Variants in NUMB observed in about 807,000 individuals in gnomAD.
The protein encoded by NUMB is protein numb homolog.
In NUMB, 29 loss-of-function variants were observed where a neutral mutation model predicts 59.7. The ratio of observed to expected loss-of-function variants is 0.49; its 90% CI spans 0.36 to 0.66. The LOEUF is 0.66. Among genes scored for constraint, NUMB ranks in the 30% least tolerant of loss-of-function variants. The pLI is 0.00. For synonymous variants in NUMB, 288 were observed against 288.2 expected, an observed-to-expected ratio of 1.00 and a Z score of 0.01; for missense variants, 723 against 822.0, an observed-to-expected ratio of 0.88 and a Z score of 1.47.
chr14:73,368,028 G>C (rs1359419028), intron 2 of NUMB, among the ~76,000 whole-genome samples: 2 of 147,136 alleles, frequency 1.4e-5, no homozygotes, highest in Non-Finnish European at 3.0e-5. Flanking sequence ...GCAAACAGTA[G>C]TTTCTGCAAA....
At chr14:73,323,548 C>G (rs1376855906) in intron 4 of NUMB, among the ~76,000 whole-genome samples, 1 of 152,210 alleles carries the variant, frequency 6.6e-6, no homozygotes, top group African/African-American at 2.4e-5. Flanking sequence ...TTACCTGAAT[C>G]TACTGGATCT....
At chr14:73,440,651 G>A (rs189304211) in intron 1 of NUMB, among the ~76,000 whole-genome samples, 124 of 151,202 alleles carry the variant, frequency 8.2e-4, no homozygotes, top group African/African-American at 2.7e-3. Context: ...CGAGACCATC[G>A]AAACCCCATC....
intron 12 of NUMB, among the ~76,000 whole-genome samples, chr14:73,278,166 G>A (rs746536192): frequency 2.0e-4 from 31 of 151,922 alleles, no homozygotes; most frequent in Non-Finnish European, 3.7e-4. Flanking sequence ...ATATCTTGCT[G>A]GCCTCTGCCT....
intron 1 of NUMB, among the ~76,000 whole-genome samples, chr14:73,453,320 C>T (rs1884117492): frequency 6.6e-6 from 1 of 151,530 alleles, no homozygotes; most frequent in Admixed American, 6.6e-5. Context: ...TTAGTAGAGA[C>T]GGGATTTCTC....
chr14:73,328,654 G>A (rs1277716340), intron 4 of NUMB, among the ~76,000 whole-genome samples: 2 of 152,114 alleles, frequency 1.3e-5, no homozygotes, highest in Non-Finnish European at 2.9e-5. Context: ...TATCCCTAAT[G>A]ACTGATAGTT....
At chr14:73,408,554 T>C (rs1223087005) in intron 2 of NUMB, among the ~76,000 whole-genome samples, 1 of 152,170 alleles carries the variant, frequency 6.6e-6, no homozygotes, top group Non-Finnish European at 1.5e-5. Context: ...CTACTTTTGA[T>C]TGTAGCAGTA....
At chr14:73,291,886 A>G (rs560003104) in intron 8 of NUMB, among the ~76,000 whole-genome samples, 4 of 149,840 alleles carry the variant, frequency 2.7e-5, no homozygotes, top group Non-Finnish European at 5.9e-5. Flanking sequence ...GGGTTTCACC[A>G]TATTGGCCAG....
At chr14:73,404,968 C>T (rs1352214865) in intron 2 of NUMB, among the ~76,000 whole-genome samples, 1 of 152,088 alleles carries the variant, frequency 6.6e-6, no homozygotes, top group Admixed American at 6.6e-5. Flanking sequence ...ACCATGTTGG[C>T]CAGGCTGGTC....
At chr14:73,446,856 T>C (rs944910931) in intron 1 of NUMB, among the ~76,000 whole-genome samples, 1 of 151,658 alleles carries the variant, frequency 6.6e-6, no homozygotes, top group Non-Finnish European at 1.5e-5. Context: ...CTGGGCAACA[T>C]AGTGAGACCC....
At chr14:73,435,525 C>G (rs530945220) in intron 1 of NUMB, among the ~76,000 whole-genome samples, 22 of 151,542 alleles carry the variant, frequency 1.5e-4, no homozygotes, top group African/African-American at 5.3e-4. Flanking sequence ...CTGCCCGCCT[C>G]AGCCTCCCAA....
intron 1 of NUMB, among the ~76,000 whole-genome samples, chr14:73,429,891 G>A (rs941788213): frequency 6.6e-6 from 1 of 151,322 alleles, no homozygotes; most frequent in Non-Finnish European, 1.5e-5. Flanking sequence ...GTTGTAATGA[G>A]CCGAGATCGC....
intron 2 of NUMB, among the ~76,000 whole-genome samples, chr14:73,399,292 A>G (rs772062767): frequency 6.6e-6 from 1 of 152,242 alleles, no homozygotes; most frequent in Admixed American, 6.5e-5. Context: ...AGCCGGGCAC[A>G]GCGGCTCACG....
intron 2 of NUMB, among the ~76,000 whole-genome samples, chr14:73,400,427 G>A (rs1318837972): frequency 6.6e-6 from 1 of 152,200 alleles, no homozygotes; most frequent in African/African-American, 2.4e-5. Context: ...AGGACTTAGG[G>A]TGAAAATAAT....
rs542575091 is a variant in NUMB, at chr14:73,312,737, C to G, written c.234+3653G>C. Among the ~76,000 whole-genome samples, 362 of 149,252 alleles carry G rather than the reference C, an allele frequency of 2.4e-3. 1 individual carries two copies. The highest frequency in any genetic ancestry group is 0.021 in the Middle Eastern group (6 of 282). ...TCAAAAAAAAAAAAAAAAAAGCCAT[C>G]TAGCAGAATGCCACTTCATCCCTAG... On this transcript the variant is annotated intron_variant, in intron 6 of 12. Coordinates refer to ENST00000555238, the MANE Select transcript of NUMB (RefSeq NM_001005743.2).
At chr14:73,429,880 G>A (rs1186367157) in intron 1 of NUMB, among the ~76,000 whole-genome samples, 2 of 151,820 alleles carry the variant, frequency 1.3e-5, no homozygotes, top group Non-Finnish European at 2.9e-5. Flanking sequence ...GGGAGGCAGA[G>A]GTTGTAATGA....
At position 73,422,141 on chromosome 14, in the gene NUMB, C is replaced by CA. The variant is rs11336678; in HGVS notation, c.-232-12074dup. Among the ~76,000 whole-genome samples, 91 of 146,718 alleles carry CA rather than the reference C, an allele frequency of 6.2e-4. 1 individual carries two copies. In the East Asian group the frequency reaches 7.1e-3, roughly 11 times the overall value. On this transcript the variant is annotated intron_variant, in intron 1 of 12. Transcript: ENST00000555238. Reference sequence around the variant, plus strand: ...CCTGGACGACAGAGCGAGACTTCGTCAAAAAAAAAAAAAGATAAGCATAAA... The same window carrying CA: ...CCTGGACGACAGAGCGAGACTTCGTCAAAAAAAAAAAAAAGATAAGCATAAA...
rs191317851 is a variant in NUMB, at chr14:73,421,164, T to G, written c.-232-11096A>C. On this transcript the variant is annotated intron_variant, in intron 1 of 12. Coordinates refer to ENST00000555238, the MANE Select transcript of NUMB (RefSeq NM_001005743.2). ...TAATACAAGAGAAAGAAAAGGAAAG[T>G]TTTTTTTTGGTGTTTTTGTTTGTTT... Among the ~76,000 whole-genome samples the G allele has an allele frequency of 1.6e-4, 24 of 150,952 alleles. No homozygotes were observed. In the East Asian group the frequency reaches 2.7e-3, roughly 17 times the overall value.
intron 3 of NUMB, among the ~76,000 whole-genome samples, chr14:73,364,095 T>C (rs958726691): frequency 1.3e-5 from 2 of 152,238 alleles, no homozygotes; most frequent in Non-Finnish European, 2.9e-5. Context: ...TGTGATCATC[T>C]TGTAAATGCA....
intron 3 of NUMB, among the ~76,000 whole-genome samples, chr14:73,357,371 C>A (rs1893850670): frequency 1.3e-5 from 2 of 149,052 alleles, no homozygotes; most frequent in African/African-American, 4.9e-5. Flanking sequence ...CCACTTCACT[C>A]CAGCCTAGGC....
Sources: gnomAD v4.1 joint callset for allele counts (sites outside exome capture counted in the v4.1 genomes callset) on GRCh38, gnomAD v4.1.1 for gene constraint, MANE v1.5 for transcripts, NCBI Gene and HGNC (gene_info 2026-07-23, HGNC 2026-07-21) for gene names.